Variants in GPC6 observed in about 807,000 individuals in gnomAD.
The protein encoded by GPC6 is glypican 6, also known as glypican-6.
In GPC6, 14 loss-of-function variants were observed where a neutral mutation model predicts 55.2. That is an observed-to-expected ratio of 0.25 (90% CI 0.17 to 0.40). The LOEUF is 0.40. GPC6 is among the 10% of genes least tolerant of loss of function. The probability of loss-of-function intolerance (pLI) is 1.00; values close to 1 mark genes in which losing one functional copy is unlikely to be tolerated. For synonymous variants in GPC6, 278 were observed against 259.6 expected, an observed-to-expected ratio of 1.07 and a Z score of -0.68; for missense variants, 641 against 708.5, an observed-to-expected ratio of 0.90 and a Z score of 1.08.
rs1239865953 is a variant in GPC6, at chr13:94,306,069, C to G, written c.1098C>G (p.Pro366=). The G allele has an allele frequency of 6.2e-7, 1 of 1,614,152 alleles. No individual in the cohort carries two copies. The highest frequency in any genetic ancestry group is 1.7e-5 in the Admixed American group (1 of 60,020). ...APENFNTRFR[P]YNPEERPTTA... ...AAAATTTTAATACACGTTTCAGGCC[C>G]TACAATCCTGAGGAAAGACCAACAA... The change falls in exon 6 of 9, where the codon CCC becomes CCG. Residue 366 remains proline (P), a synonymous_variant. Transcript: ENST00000377047.
intron 1 of GPC6, among the ~76,000 whole-genome samples, chr13:93,516,782 C>T (rs957966773): frequency 2.6e-5 from 4 of 152,088 alleles, no homozygotes; most frequent in Non-Finnish European, 5.9e-5. Context: ...AAATTGGTAG[C>T]TTAGCTGCCT....
At chr13:93,464,529 C>A (rs1452160108) in intron 1 of GPC6, among the ~76,000 whole-genome samples, 1 of 152,180 alleles carries the variant, frequency 6.6e-6, no homozygotes, top group East Asian at 1.9e-4. Context: ...CCATAAGAAG[C>A]AACTCCTCAT....
intron 2 of GPC6, among the ~76,000 whole-genome samples, chr13:93,717,548 T>C (rs1220700796): frequency 6.6e-6 from 1 of 151,676 alleles, no homozygotes; most frequent in African/African-American, 2.4e-5. Flanking sequence ...TAATAATTCC[T>C]GGCATCTCTT....
chr13:94,266,377 C>T (rs1205978236), intron 4 of GPC6, among the ~76,000 whole-genome samples: 2 of 152,082 alleles, frequency 1.3e-5, no homozygotes, highest in East Asian at 3.9e-4. Flanking sequence ...ACTGTGTTAG[C>T]CAGGATGGTC....
chr13:93,693,725 G>T (rs1262211779), intron 2 of GPC6, among the ~76,000 whole-genome samples: 1 of 152,124 alleles, frequency 6.6e-6, no homozygotes, highest in Non-Finnish European at 1.5e-5. Flanking sequence ...GGGTTCAAGT[G>T]ATCCACTCAC....
At chr13:93,223,724 G>T (rs1875681647), upstream of GPC6, among the ~76,000 whole-genome samples, 1 of 152,062 alleles carries the variant, frequency 6.6e-6, no homozygotes, top group African/African-American at 2.4e-5. Flanking sequence ...GATTACAGGC[G>T]TGAGCCACCA....
intron 6 of GPC6, among the ~76,000 whole-genome samples, chr13:94,316,814 T>C (rs1325514097): frequency 6.6e-6 from 1 of 152,228 alleles, no homozygotes; most frequent in Non-Finnish European, 1.5e-5. Flanking sequence ...GAGGCTTTGA[T>C]ATTGCACATT....
chr13:94,068,838 C>T (rs1325023969), intron 4 of GPC6, among the ~76,000 whole-genome samples: 1 of 152,206 alleles, frequency 6.6e-6, no homozygotes, highest in East Asian at 1.9e-4. Context: ...AGCTCCACCC[C>T]TGTGGTTTTG....
chr13:93,561,702 C>T (rs1363744224), intron 2 of GPC6, among the ~76,000 whole-genome samples: 2 of 151,976 alleles, frequency 1.3e-5, no homozygotes, highest in Admixed American at 1.3e-4. Flanking sequence ...TTCCCCCAAC[C>T]CCCAGTTGGA....
intron 4 of GPC6, among the ~76,000 whole-genome samples, chr13:94,166,725 G>T (rs1464284266): frequency 6.6e-6 from 1 of 152,106 alleles, no homozygotes; most frequent in Non-Finnish European, 1.5e-5. Context: ...AATCTCCTCA[G>T]AAGCATTAAG....
In GPC6 at chr13:93,595,142, T is replaced by A. The variant is rs532181045; in HGVS notation, c.319+49721T>A. Among the ~76,000 whole-genome samples the A allele has an allele frequency of 3.0e-4, 45 of 152,334 alleles. No homozygotes were observed. The South Asian group carries it at 9.1e-3, about 31-fold the overall frequency. On this transcript the variant is annotated intron_variant, in intron 2 of 8. Coordinates refer to ENST00000377047, the MANE Select transcript of GPC6 (RefSeq NM_005708.5). Reference sequence around the variant, plus strand: ...ATAAGAGAAAGACAGGGAATCTTTTTAAATTTATATTATAGATATTAAACC... The same window carrying A: ...ATAAGAGAAAGACAGGGAATCTTTTAAAATTTATATTATAGATATTAAACC...
chr13:93,647,051 A>G (rs1020379051), intron 2 of GPC6, among the ~76,000 whole-genome samples: 5 of 152,160 alleles, frequency 3.3e-5, no homozygotes, highest in Non-Finnish European at 7.3e-5. Context: ...TAATGGAGAC[A>G]TCAAGATATG....
chr13:93,451,143 T>C (rs920955), intron 1 of GPC6, among the ~76,000 whole-genome samples: 32,826 of 152,252 alleles, frequency 0.22, 3,669 homozygotes, highest in Middle Eastern at 0.29. Context: ...GGGTATATCA[T>C]TGAGATAGAC....
chr13:94,295,655 A>C (rs1875293969), intron 5 of GPC6, among the ~76,000 whole-genome samples: 2 of 152,194 alleles, frequency 1.3e-5, no homozygotes, highest in African/African-American at 4.8e-5. Context: ...TGGCTACATC[A>C]ACACCTCCAT....
chr13:94,070,616 T>G (rs754048732), intron 4 of GPC6, among the ~76,000 whole-genome samples: 2 of 152,226 alleles, frequency 1.3e-5, no homozygotes, highest in East Asian at 1.9e-4. Context: ...ATGAGATAAT[T>G]CAGTGTTGAA....
intron 4 of GPC6, among the ~76,000 whole-genome samples, chr13:94,048,644 T>TCGGGGACCTCAGAACTTAGTAGGGGACAA (rs1883819632): frequency 2.0e-5 from 3 of 151,886 alleles, no homozygotes; most frequent in Admixed American, 6.6e-5. Context: ...AATCCTACAT[T>TCGGGGACCTCAGAACTTAGTAGGGGACAA]CGGGGACCTC....
At chr13:93,886,682 T>C (rs1875351313) in intron 3 of GPC6, among the ~76,000 whole-genome samples, 1 of 151,830 alleles carries the variant, frequency 6.6e-6, no homozygotes, top group Non-Finnish European at 1.5e-5. Context: ...TTAACATTGA[T>C]GGACAGGCAT....
intron 2 of GPC6, among the ~76,000 whole-genome samples, chr13:93,663,749 G>A (rs1290317614): frequency 6.6e-6 from 1 of 152,040 alleles, no homozygotes; most frequent in Non-Finnish European, 1.5e-5. Context: ...GTTTAAAATG[G>A]GACAAGTCAC....
chr13:94,222,530 C>T (rs1462992663), intron 4 of GPC6, among the ~76,000 whole-genome samples: 1 of 152,040 alleles, frequency 6.6e-6, no homozygotes, highest in Non-Finnish European at 1.5e-5. Flanking sequence ...TCTTCCTTAC[C>T]TGCATTGATG....
Sources: gnomAD v4.1 joint callset for allele counts (sites outside exome capture counted in the v4.1 genomes callset) on GRCh38, gnomAD v4.1.1 for gene constraint, MANE v1.5 for transcripts, NCBI Gene and HGNC (gene_info 2026-07-23, HGNC 2026-07-21) for gene names.